Variants in DVL2 observed in about 807,000 individuals in gnomAD.
DVL2 encodes segment polarity protein dishevelled homolog DVL-2.
Under a neutral mutation model 69.8 loss-of-function variants are expected in DVL2, and 38 were observed. The observed-to-expected ratio is 0.54, with a 90% CI of 0.42 to 0.71. DVL2 has a LOEUF of 0.71. DVL2 is among the 30% of genes least tolerant of loss of function. The probability of loss-of-function intolerance (pLI) is 0.00; values close to 1 mark genes in which losing one functional copy is unlikely to be tolerated. For missense variants in DVL2, 931 were observed against 1,008.1 expected (o/e 0.92, Z 1.04); for synonymous variants, 428 against 392.4 (o/e 1.09, Z -1.07).
Position 7,226,261 on chromosome 17 carries a change from C to T in DVL2, c.1815G>A (p.Gly605=), listed in dbSNP as rs2071444693. 6.2e-7 allele frequency: 1 copy of T among 1,604,088 alleles called. No individual in the cohort carries two copies. Among genetic ancestry groups the T allele is most frequent in the Non-Finnish European group, 8.5e-7 (1 of 1,176,216 alleles). The change falls in exon 15 of 15, where the codon GGG becomes GGA. Residue 605 remains glycine (G), a synonymous_variant. Coordinates refer to ENST00000005340, the MANE Select transcript of DVL2 (RefSeq NM_004422.3). Reference sequence around the variant, plus strand: ...ACTCGGGGGCCCGCTCCTCGGGCCTCCCCGTGCGCCCTGCCCCCCCATCAC... The same window carrying T: ...ACTCGGGGGCCCGCTCCTCGGGCCTTCCCGTGCGCCCTGCCCCCCCATCAC... ...TRSDGGAGRT[G]RPEERAPESK... is the part of the protein sequence containing the mutation.
rs1251719162 is a variant in DVL2, at chr17:7,227,098, C to A, written c.1535G>T (p.Cys512Phe). ...YYVFGDLSGG[C>F]ESYLVNLSLN... ...GGGGCAGGGGGACTTACAGCTCTCA[C>A]AGCCACCACTGAGGTCTCCGAAGAC... Residue 512 changes from cysteine to phenylalanine, a missense_variant, in exon 13 of 15, where the codon TGT becomes TTT. Physicochemically the swap from Cys to Phe is radical, Grantham distance 205 (BLOSUM62 -2). Coordinates refer to ENST00000005340, the MANE Select transcript of DVL2 (RefSeq NM_004422.3). 1 of 1,607,660 alleles carries A rather than the reference C, an allele frequency of 6.2e-7. No individual in the cohort carries two copies. Among genetic ancestry groups the A allele is most frequent in the South Asian group, 1.1e-5 (1 of 90,096 alleles).
chr17:7,225,946 C>A lies in DVL2; in HGVS notation c.2130G>T (p.Val710=), dbSNP rs747644543. ...GGCGGCTGGCTGTCAGTTCTGGGGG[C>A]ACAGAGCCCAGGTCTCTGACTGGAG... The part of the protein sequence containing the change: ...GAPPVRDLGS[V]PPELTASRQS... Residue 710 remains valine, a synonymous_variant, in exon 15 of 15, where the codon GTG becomes GTT. Coordinates refer to ENST00000005340, the MANE Select transcript of DVL2 (RefSeq NM_004422.3). 17 of 1,613,716 alleles carry A rather than the reference C, an allele frequency of 1.1e-5. No homozygotes were observed. The highest frequency in any genetic ancestry group is 1.4e-5 in the Non-Finnish European group (17 of 1,180,040).
intron 3 of DVL2, 38 bp downstream of exon 3, chr17:7,230,247 A>AGGG (rs2071522056): frequency 6.2e-7 from 1 of 1,611,140 alleles, no homozygotes; most frequent in African/African-American, 1.3e-5. Context: ...TTCCCTCCTC[A>AGGG]CCTCCCTCCC....
rs1351361415 is a variant in DVL2 at position 7,228,971 on chromosome 17, A to G, written c.1032T>C (p.Pro344=). The G allele has an allele frequency of 2.5e-6, 4 of 1,614,088 alleles. No individual in the cohort carries two copies. Among genetic ancestry groups the G allele is most frequent in the Non-Finnish European group, 3.4e-6 (4 of 1,179,976 alleles). ...CGGCAACCTGCTTGGCAACTCACCC[A>G]GGCTTGTGCACAATGTCCCTCAGCA... ...VRVLRDIVHK[P]GPIVLTVAKC... Residue 344 remains proline, a splice_region_variant and synonymous_variant, in exon 9 of 15, where the codon CCT becomes CCC. Coordinates refer to ENST00000005340, the MANE Select transcript of DVL2 (RefSeq NM_004422.3).
chr17:7,227,597 G>C, intron 11 of DVL2, 58 bp downstream of exon 11: 8 of 1,614,008 alleles, frequency 5.0e-6, no homozygotes, highest in Non-Finnish European at 6.8e-6. Context: ...CAATGGATCA[G>C]ACCACTGCGG....
rs753921561 is a variant in DVL2 at position 7,225,903 on chromosome 17, T to A, written c.2173A>T (p.Met725Leu). 9.3e-6 allele frequency: 15 copies of A among 1,613,842 alleles called. No homozygotes were observed. In the African/African-American group the frequency reaches 1.5e-4, roughly 16 times the overall value. ...ACAAAGAACTCGCTGGGATTGCCCATGGCCATGTGGAAGCTTTGGCGGCTG... is the reference window on the plus strand; with the variant it reads ...ACAAAGAACTCGCTGGGATTGCCCAAGGCCATGTGGAAGCTTTGGCGGCTG... ...TASRQSFHMA[M>L]GNPSEFFVDV... is the part of the protein sequence containing the mutation. Residue 725 changes from methionine to leucine, a missense_variant, in exon 15 of 15, where the codon ATG becomes TTG. Met to Leu is a conservative substitution (Grantham distance 15). Coordinates refer to ENST00000005340, the MANE Select transcript of DVL2 (RefSeq NM_004422.3).
chr17:7,228,810 C>A, intron 9 of DVL2, 159 bp downstream of exon 9: 1 of 663,926 alleles, frequency 1.5e-6, no homozygotes, highest in Non-Finnish European at 2.6e-6. Context: ...TCGAACTCCT[C>A]ACCTCAGGTG....
At chr17:7,227,929 G>T in intron 10 of DVL2, 48 bp downstream of exon 10, 1 of 1,575,398 alleles carries the variant, frequency 6.3e-7, no homozygotes, top group Non-Finnish European at 8.6e-7. Flanking sequence ...CCAGCCTCCT[G>T]GGCAGCCCCC....
At chr17:7,232,360 G>C (rs2071556156) in intron 1 of DVL2, among the ~76,000 whole-genome samples, 1 of 152,146 alleles carries the variant, frequency 6.6e-6, no homozygotes, top group South Asian at 2.1e-4. Context: ...TGCTGTCAAC[G>C]TGACAACACA....
At chr17:7,228,155 A>G (rs1354834638) in intron 9 of DVL2, 111 bp from the exon 10 acceptor site, 2 of 882,652 alleles carry the variant, frequency 2.3e-6, no homozygotes, top group Non-Finnish European at 3.5e-6. Context: ...AGAAGCAAGC[A>G]CATCGCGGCT....
rs2071461495 is a variant in DVL2 at position 7,226,862 on chromosome 17, G to A, written c.1544-223C>T. 7.9e-6 allele frequency: 5 copies of A among 629,294 alleles called. No individual in the cohort carries two copies. The Admixed American group carries it at 1.6e-4, about 20-fold the overall frequency. 39.0% of individuals were successfully genotyped at this position (629,294 alleles called of 1,614,324 possible). On this transcript the variant is annotated intron_variant, in intron 13 of 14. Coordinates refer to ENST00000005340, the MANE Select transcript of DVL2 (RefSeq NM_004422.3). The stretch of plus-strand genomic sequence containing the variant: ...TCTTTGCGGGACTCAGGTAAGAGGT[G>A]CACCTTCCCCCGGTGGACACAGTCC...
In DVL2 at chr17:7,229,697, G is replaced by A. The variant is rs370740281; in HGVS notation, c.657-19C>T. 3.0e-5 allele frequency: 46 copies of A among 1,557,266 alleles called. No homozygotes were observed. Among genetic ancestry groups the A allele is most frequent in the East Asian group, 2.3e-5 (1 of 44,294 alleles). On this transcript the variant is annotated intron_variant, in intron 5 of 14. Coordinates refer to ENST00000005340, the MANE Select transcript of DVL2 (RefSeq NM_004422.3). The surrounding 1 kb of genome is among the most constrained non-coding windows in gnomAD (Gnocchi z 4.4). ...GCTGAACCTACCAGGAGGTTGGGAA[G>A]GAGAGCAAACGTAGGCCAAAGTGGT...
chr17:7,230,185 C>A (rs2071520916), intron 3 of DVL2, 30 bp from the exon 4 acceptor site: 1 of 1,611,848 alleles, frequency 6.2e-7, no homozygotes. Flanking sequence ...TTCCAACCCA[C>A]ATCAGGAGAA....
intron 1 of DVL2, among the ~76,000 whole-genome samples, chr17:7,233,590 G>A (rs1446333399): frequency 6.6e-6 from 1 of 152,084 alleles, no homozygotes; most frequent in Non-Finnish European, 1.5e-5. Context: ...GACTACAGGC[G>A]CGTGCCCCCA....
In DVL2 at chr17:7,230,375, C is replaced by G; in HGVS notation, c.320G>C (p.Arg107Pro). Reference sequence around the variant, plus strand: ...TGGGGCTGGAGGCGCCAGTTCTGCCCGAGGCTCATGGACTGGAGGGGCCAT... The same window carrying G: ...TGGGGCTGGAGGCGCCAGTTCTGCCGGAGGCTCATGGACTGGAGGGGCCAT... ...PEMAPPVHEP[R>P]AELAPPAPPL... The change falls in exon 3 of 15, where the codon CGG (arginine) becomes CCG (proline). Residue 107 changes from arginine to proline, a missense_variant. Arg to Pro is a moderately radical substitution (Grantham distance 103, BLOSUM62 -2). This residue lies in a region of DVL2 where 555 missense variants were observed against 588.8 expected (regional missense o/e 0.94). Transcript: ENST00000005340. The G allele has an allele frequency of 6.2e-7, 1 of 1,614,048 alleles. No homozygotes were observed. Among genetic ancestry groups the G allele is most frequent in the South Asian group, 1.1e-5 (1 of 91,068 alleles).
At chr17:7,230,857 A>T in intron 1 of DVL2, 60 bp from the exon 2 acceptor site, 1 of 1,317,646 alleles carries the variant, frequency 7.6e-7, no homozygotes, top group Non-Finnish European at 1.1e-6. Context: ...CCCGACCCCC[A>T]TCAAACTTTC....
At position 7,225,373 on chromosome 17, in the gene DVL2, T is replaced by C. The variant is rs2071425336; in HGVS notation, c.*492A>G. 1 of 538,982 alleles carries C rather than the reference T, an allele frequency of 1.9e-6. No homozygotes were observed. The highest frequency in any genetic ancestry group is 1.9e-5 in the African/African-American group (1 of 52,792). 33.4% of individuals were successfully genotyped at this position (538,982 alleles called of 1,614,324 possible). ...GCCTCTATTGCTTTATTTGGTGTTT[T>C]ATACAAGTGACTAAAATAAATAGAG... On this transcript the variant is annotated 3_prime_UTR_variant, in exon 15 of 15. Transcript: ENST00000005340.
chr17:7,231,238 C>T (rs2071537992), intron 1 of DVL2, among the ~76,000 whole-genome samples: 1 of 151,818 alleles, frequency 6.6e-6, no homozygotes, highest in Non-Finnish European at 1.5e-5. Context: ...CTGAGGCGGG[C>T]GGATCACCTG....
In DVL2 at chr17:7,234,052, C is replaced by G; in HGVS notation, c.194+17G>C. On this transcript the variant is annotated intron_variant, in intron 1 of 14. Coordinates refer to ENST00000005340, the MANE Select transcript of DVL2 (RefSeq NM_004422.3). ...CTAGCAAAGCCCCCGCCGGTCCTAT[C>G]TAGGCCTTGCGCTCACCCGAAATCC... The G allele has an allele frequency of 6.2e-7, 1 of 1,613,434 alleles. No individual in the cohort carries two copies. Among genetic ancestry groups the G allele is most frequent in the Non-Finnish European group, 8.5e-7 (1 of 1,179,948 alleles).
Sources: gnomAD v4.1 joint callset for allele counts (sites outside exome capture counted in the v4.1 genomes callset) on GRCh38, gnomAD v4.1.1 for gene constraint, gnomAD v4.1.1 regional missense constraint, Gnocchi (gnomAD v3.1) non-coding constraint, MANE v1.5 for transcripts, NCBI Gene and HGNC (gene_info 2026-07-23, HGNC 2026-07-21) for gene names.